The following MOXD1 variants were observed in gnomAD, a reference collection of about 807,000 sequenced individuals.
The protein encoded by MOXD1 is DBH-like monooxygenase protein 1.
A neutral mutation model predicts 66.6 loss-of-function variants in MOXD1; 62 were observed. The observed-to-expected ratio is 0.93, with a 90% confidence interval of 0.76 to 1.15. The LOEUF (loss-of-function observed/expected upper bound fraction) is 1.15. Ranked by LOEUF, MOXD1 falls within the 50% of genes most tolerant of loss-of-function variation. MOXD1 has a pLI of 0.00. For synonymous variants in MOXD1, 303 were observed against 281.9 expected (o/e 1.07, Z -0.75); for missense variants, 847 against 754.6 (o/e 1.12, Z -1.44).
chr6:132,337,388 G>C (rs563343149), intron 4 of MOXD1, among the ~76,000 whole-genome samples: 41 of 152,220 alleles, frequency 2.7e-4, no homozygotes, highest in Non-Finnish European at 4.9e-4. Context: ...TACTCTTCCA[G>C]TTTATTTACT....
At chr6:132,389,924 A>C (rs1266000879) in intron 1 of MOXD1, among the ~76,000 whole-genome samples, 1 of 151,644 alleles carries the variant, frequency 6.6e-6, no homozygotes, top group African/African-American at 2.4e-5. Context: ...TTTTAGTTTA[A>C]AAATTGCATG....
intron 6 of MOXD1, among the ~76,000 whole-genome samples, chr6:132,324,450 T>G: frequency 6.6e-6 from 1 of 152,166 alleles, no homozygotes; most frequent in East Asian, 1.9e-4. Flanking sequence ...ATAGAATAAA[T>G]AACTTAATAA....
At chr6:132,389,494 C>T (rs1776713032) in intron 1 of MOXD1, among the ~76,000 whole-genome samples, 1 of 151,318 alleles carries the variant, frequency 6.6e-6, no homozygotes, top group Admixed American at 6.6e-5. Context: ...CAACTTGGCC[C>T]ACATTGGAAT....
At chr6:132,364,514 G>C (rs1409208517) in intron 4 of MOXD1, among the ~76,000 whole-genome samples, 1 of 152,108 alleles carries the variant, frequency 6.6e-6, no homozygotes, top group Non-Finnish European at 1.5e-5. Context: ...TGAGCATTTA[G>C]TCTTCCCAAG....
intron 9 of MOXD1, among the ~76,000 whole-genome samples, chr6:132,319,711 C>A (rs1775034867): frequency 6.6e-6 from 1 of 151,468 alleles, no homozygotes; most frequent in South Asian, 2.1e-4. Flanking sequence ...ATAACAAATA[C>A]CCTTATATTC....
At chr6:132,349,634 A>G (rs1044165367) in intron 4 of MOXD1, among the ~76,000 whole-genome samples, 1 of 151,602 alleles carries the variant, frequency 6.6e-6, no homozygotes, top group African/African-American at 2.4e-5. Context: ...CTGGGTAGAT[A>G]CCCAGTAGTG....
intron 4 of MOXD1, among the ~76,000 whole-genome samples, chr6:132,352,703 T>C (rs1775826543): frequency 6.6e-6 from 1 of 152,188 alleles, no homozygotes; most frequent in South Asian, 2.1e-4. Context: ...TTTGTCTTGA[T>C]GACCTGTCTA....
At chr6:132,371,646 A>G (rs1444691767) in intron 4 of MOXD1, among the ~76,000 whole-genome samples, 4 of 152,150 alleles carry the variant, frequency 2.6e-5, no homozygotes, top group Non-Finnish European at 5.9e-5. Flanking sequence ...TTTACAGATG[A>G]GAAAACCTAA....
intron 10 of MOXD1, among the ~76,000 whole-genome samples, chr6:132,300,578 C>G (rs1450878129): frequency 6.6e-6 from 1 of 152,152 alleles, no homozygotes; most frequent in African/African-American, 2.4e-5. Context: ...TCTGGTGCCC[C>G]GCTGTTAAGA....
rs1774424176 is a variant in MOXD1, at chr6:132,297,270, T to C, written c.1725A>G (p.Lys575=). 4 of 1,613,470 alleles carry C rather than the reference T, an allele frequency of 2.5e-6. No individual in the cohort carries two copies. Among genetic ancestry groups the C allele is most frequent in the Non-Finnish European group, 3.4e-6 (4 of 1,179,646 alleles). The change falls in exon 12 of 12, where the codon AAA becomes AAG. Residue 575 remains lysine, a synonymous_variant. Transcript: ENST00000367963. ...ACGTGCCACACACCAAAGGTTCTGC[T>C]TTATAGGGTCTTTCTATATCTGGAG... ...ALPPDIERPY[K]AEPLVCGTSS...
At chr6:132,355,491 T>C (rs556583929) in intron 4 of MOXD1, among the ~76,000 whole-genome samples, 64 of 152,312 alleles carry the variant, frequency 4.2e-4, no homozygotes, top group Non-Finnish European at 7.4e-4. Flanking sequence ...AATGGCGTGC[T>C]AATCCCAAAC....
chr6:132,341,367 A>G (rs1775558117), intron 4 of MOXD1, among the ~76,000 whole-genome samples: 1 of 152,206 alleles, frequency 6.6e-6, no homozygotes, highest in South Asian at 2.1e-4. Context: ...CCAGAACTGT[A>G]AGAAATACGT....
chr6:132,365,471 TC>T (rs1247230810), intron 4 of MOXD1, among the ~76,000 whole-genome samples: 2 of 152,156 alleles, frequency 1.3e-5, no homozygotes, highest in Non-Finnish European at 2.9e-5. Flanking sequence ...TTTGTTTTCG[TC>T]AAATCACAGA....
At chr6:132,340,617 C>A (rs1311236999) in intron 4 of MOXD1, among the ~76,000 whole-genome samples, 1 of 145,966 alleles carries the variant, frequency 6.9e-6, no homozygotes, top group African/African-American at 2.6e-5. Flanking sequence ...GTATTTACAA[C>A]ATGCTAAAAC....
At chr6:132,382,378 T>G in intron 1 of MOXD1, among the ~76,000 whole-genome samples, 1 of 152,148 alleles carries the variant, frequency 6.6e-6, no homozygotes, top group East Asian at 1.9e-4. Flanking sequence ...AAGTGAAATA[T>G]ACTTGAGGTA....
At chr6:132,349,390 T>C (rs1277530305) in intron 4 of MOXD1, among the ~76,000 whole-genome samples, 1 of 83,486 alleles carries the variant, frequency 1.2e-5, no homozygotes, top group Non-Finnish European at 2.3e-5. Flanking sequence ...TGTATATATA[T>C]ATACACATAT....
chr6:132,349,807 TG>T (rs1167821891), intron 4 of MOXD1, among the ~76,000 whole-genome samples: 1 of 152,128 alleles, frequency 6.6e-6, no homozygotes, highest in Non-Finnish European at 1.5e-5. Flanking sequence ...TTTTTGATTA[TG>T]GCCATTCTTG....
chr6:132,322,772 T>C lies in MOXD1; in HGVS notation c.1212A>G (p.Lys404=). Reference sequence around the variant, plus strand: ...AGGCAAGTAATTTCATTTCCTTCCCTTTTCGAAAATGACGCAGCCTGATGC... The same window carrying C: ...AGGCAAGTAATTTCATTTCCTTCCCCTTTCGAAAATGACGCAGCCTGATGC... ...GRGIRLRHFR[K]GKEMKLLAYD... is the part of the protein sequence containing the mutation. The change falls in exon 8 of 12, where the codon AAA becomes AAG. Residue 404 remains lysine, a synonymous_variant. Transcript: ENST00000367963. 2.5e-6 allele frequency: 4 copies of C among 1,614,100 alleles called. No individual in the cohort carries two copies. The highest frequency in any genetic ancestry group is 3.4e-6 in the Non-Finnish European group (4 of 1,179,960).
chr6:132,310,806 C>T (rs658016), intron 10 of MOXD1, among the ~76,000 whole-genome samples: 77,417 of 151,746 alleles, frequency 0.51, 23,454 homozygotes, highest in African/African-American at 0.84. Flanking sequence ...TGAGAACGCA[C>T]GGACACAGAG....
Sources: gnomAD v4.1 joint callset for allele counts (sites outside exome capture counted in the v4.1 genomes callset) on GRCh38, gnomAD v4.1.1 for gene constraint, MANE v1.5 for transcripts, NCBI Gene and HGNC (gene_info 2026-07-23, HGNC 2026-07-21) for gene names.